The following ZUP1 variants were observed in gnomAD, a reference collection of about 807,000 sequenced individuals.
The protein encoded by ZUP1 is zinc finger containing ubiquitin peptidase 1.
ZUP1 carries 55 observed loss-of-function variants against 68.1 expected under a neutral mutation model. The ratio of observed to expected loss-of-function variants is 0.81; its 90% confidence interval spans 0.65 to 1.01. ZUP1 has a LOEUF of 1.01. ZUP1 is among the 50% of genes least tolerant of loss of function. The pLI is 0.00. For missense variants in ZUP1, 684 were observed against 674.9 expected (o/e 1.01, Z -0.15); for synonymous variants, 223 against 221.5 (o/e 1.01, Z -0.06).
rs1324203410 is a variant in ZUP1 at position 116,635,896 on chromosome 6, A to G, written c.1690-17T>C. 1.3e-6 allele frequency: 2 copies of G among 1,563,912 alleles called. No individual in the cohort carries two copies. Among genetic ancestry groups the G allele is most frequent in the Non-Finnish European group, 1.7e-6 (2 of 1,154,628 alleles). Reference sequence around the variant, plus strand: ...TCTCCTGGCCTTGAAAAGAAATTTTAAAAAACAATTTTAAGCTATAAGTCA... The same window carrying G: ...TCTCCTGGCCTTGAAAAGAAATTTTGAAAAACAATTTTAAGCTATAAGTCA... On this transcript the variant is annotated splice_polypyrimidine_tract_variant and intron_variant, in intron 9 of 9. Transcript: ENST00000368576.
rs1776746273 is a variant in ZUP1, at chr6:116,658,810, T to C, written c.785A>G (p.Lys262Arg). ...ESRQEIEEFQKLQRQYGLDNS... is the reference protein window; with the variant it reads ...ESRQEIEEFQRLQRQYGLDNS... ...TGTTATTAATCTTTGTACCTGCAGC[T>C]TCTGAAATTCTTCTATTTCTTGTCT... Residue 262 changes from lysine (K) to arginine (R), a missense_variant, in exon 4 of 10, where the codon AAG (lysine) becomes AGG (arginine). Coordinates refer to ENST00000368576, the MANE Select transcript of ZUP1 (RefSeq NM_145062.3). 6.3e-7 allele frequency: 1 copy of C among 1,579,386 alleles called. No homozygotes were observed. The highest frequency in any genetic ancestry group is 8.6e-7 in the Non-Finnish European group (1 of 1,156,312).
At chr6:116,655,649 A>T (rs1776639179) in intron 5 of ZUP1, among the ~76,000 whole-genome samples, 1 of 152,220 alleles carries the variant, frequency 6.6e-6, no homozygotes. Flanking sequence ...TTTAATACTC[A>T]TCAGAAAAAA....
intron 1 of ZUP1, 118 bp from the exon 2 acceptor site, chr6:116,667,325 A>G (rs1777043624): frequency 1.3e-5 from 7 of 538,440 alleles, no homozygotes; most frequent in East Asian, 3.3e-5. Flanking sequence ...GAAGTTTTCA[A>G]TGTACTTACT....
In ZUP1 at chr6:116,666,761, T is replaced by C. The variant is rs147255343; in HGVS notation, c.432A>G (p.Gly144=). 1.9e-6 allele frequency: 3 copies of C among 1,613,828 alleles called. No homozygotes were observed. In the African/African-American group the frequency reaches 4.0e-5, roughly 22 times the overall value. Residue 144 remains glycine, a synonymous_variant, in exon 2 of 10, where the codon GGA becomes GGG. Transcript: ENST00000368576. ...EKQSSLTEIK[G]SVYETTYSPP... is the part of the protein sequence containing the mutation. ...GACTGTATGTTGTTTCATAAACAGA[T>C]CCTTTTATTTCGGTCAGGCTGGACT...
intron 2 of ZUP1, among the ~76,000 whole-genome samples, chr6:116,662,234 A>T (rs991571928): frequency 1.3e-5 from 2 of 152,190 alleles, no homozygotes; most frequent in African/African-American, 4.8e-5. Flanking sequence ...CTACCATAAA[A>T]TGCCTTAGAG....
chr6:116,656,834 T>C lies in ZUP1; in HGVS notation c.811A>G (p.Asn271Asp). The C allele has an allele frequency of 6.2e-7, 1 of 1,602,268 alleles. No homozygotes were observed. Among genetic ancestry groups the C allele is most frequent in the Non-Finnish European group, 8.5e-7 (1 of 1,173,300 alleles). Residue 271 changes from asparagine to aspartate, a missense_variant, in exon 5 of 10, where the codon AAT becomes GAT. Transcript: ENST00000368576. ...TGTTGTTGTTTGTATCCTCCAGAAT[T>C]ATCTAAACCATATTGTCTCTATTGA... ...QKLQRQYGLDNSGGYKQQQLR... is the reference protein window; with the variant it reads ...QKLQRQYGLDDSGGYKQQQLR...
In ZUP1 at chr6:116,656,681, C is replaced by G. The variant is rs746685981; in HGVS notation, c.961+3G>C. The G allele has an allele frequency of 1.0e-4, 161 of 1,607,178 alleles. No homozygotes were observed. The highest frequency in any genetic ancestry group is 1.3e-4 in the Non-Finnish European group (156 of 1,177,452). ...ACAATGACTCTGATGTTTAAATACTCACCGGAAGTTTTTGTTTTTCCATCG... is the reference window on the plus strand; with the variant it reads ...ACAATGACTCTGATGTTTAAATACTGACCGGAAGTTTTTGTTTTTCCATCG... On this transcript the variant is annotated splice_donor_region_variant and intron_variant, in intron 5 of 9. Transcript: ENST00000368576.
Position 116,668,637 on chromosome 6 carries a change from T to C in ZUP1, c.-87A>G, listed in dbSNP as rs1201575986. ...CCTTTGGGCCTCGCTGGCAGACGAG[T>C]GCGTGCGCGGCGTCCAGTACCTCTC... On this transcript the variant is annotated 5_prime_UTR_variant, in exon 1 of 10. Coordinates refer to ENST00000368576, the MANE Select transcript of ZUP1 (RefSeq NM_145062.3). 4 of 152,334 alleles carry C rather than the reference T, an allele frequency of 2.6e-5. No homozygotes were observed. Among genetic ancestry groups the C allele is most frequent in the Non-Finnish European group, 5.9e-5 (4 of 68,196 alleles). The allele number at this position is 152,334 out of a possible 1,614,324, so 9.4% of individuals were successfully genotyped here. A position where few individuals can be genotyped will look rare whatever the true frequency, so the allele number is the denominator to read the frequency against.
chr6:116,654,383 A>G (rs567795810), intron 5 of ZUP1, among the ~76,000 whole-genome samples: 1 of 152,128 alleles, frequency 6.6e-6, no homozygotes, highest in South Asian at 2.1e-4. Flanking sequence ...CAAGGAGAAA[A>G]TAATCAGATT....
In ZUP1 at chr6:116,652,113, A is replaced by C; in HGVS notation, c.1041T>G (p.Asp347Glu). ...VRRVWLSSVV[D>E]HFHSSLGDKG... ...TGTCGCCTAAAGATGAATGAAAGTG[A>C]TCCACCACTGAAGAAAGCCACACCC... The change falls in exon 6 of 10, where the codon GAT becomes GAG. Residue 347 changes from aspartate to glutamate, a missense_variant. By Grantham distance (45) the Asp-to-Glu change is conservative (BLOSUM62 2). Coordinates refer to ENST00000368576, the MANE Select transcript of ZUP1 (RefSeq NM_145062.3). 2 of 1,614,030 alleles carry C rather than the reference A, an allele frequency of 1.2e-6. No individual in the cohort carries two copies. The highest frequency in any genetic ancestry group is 1.7e-6 in the Non-Finnish European group (2 of 1,179,910).
chr6:116,666,871 T>G lies in ZUP1; in HGVS notation c.322A>C (p.Thr108Pro). 1 of 1,610,036 alleles carries G rather than the reference T, an allele frequency of 6.2e-7. No individual in the cohort carries two copies. Among genetic ancestry groups the G allele is most frequent in the African/African-American group, 1.3e-5 (1 of 74,662 alleles). ...TCATGTTTTAAAGTACTATCTTTAG[T>G]CAGGTTTTGAGCTGAATTTTTTGGA... ...NHPKNSAQNL[T>P]KDSTLKHEGF... The change falls in exon 2 of 10, where the codon ACT becomes CCT. Residue 108 changes from threonine (T) to proline (P), a missense_variant. Transcript: ENST00000368576.
intron 7 of ZUP1, among the ~76,000 whole-genome samples, chr6:116,649,091 G>GGC (rs1776401504): frequency 6.6e-6 from 1 of 151,812 alleles, no homozygotes. Flanking sequence ...AGAAAAGCAG[G>GGC]AATAAATTTA....
chr6:116,666,356 T>C (rs535056313), intron 2 of ZUP1, among the ~76,000 whole-genome samples: 3 of 152,332 alleles, frequency 2.0e-5, no homozygotes, highest in African/African-American at 7.2e-5. Flanking sequence ...ACAGTCCAGA[T>C]GCTACTGGGT....
intron 4 of ZUP1, among the ~76,000 whole-genome samples, 176 bp from the exon 5 acceptor site, chr6:116,657,028 A>C (rs201804052): frequency 0.046 from 6,884 of 150,592 alleles, 177 homozygotes; most frequent in African/African-American, 0.071. Context: ...CACACACAAA[A>C]AAAAATTATT....
intron 5 of ZUP1, among the ~76,000 whole-genome samples, chr6:116,653,727 G>T (rs1476757816): frequency 2.0e-5 from 3 of 151,978 alleles, no homozygotes; most frequent in African/African-American, 7.2e-5. Context: ...TTGATGAAGA[G>T]ATCAAGATTT....
At chr6:116,663,651 C>T (rs1035188594) in intron 2 of ZUP1, among the ~76,000 whole-genome samples, 21 of 152,084 alleles carry the variant, frequency 1.4e-4, no homozygotes, top group African/African-American at 7.2e-5. Context: ...TATTAAAATT[C>T]GTTAACAGGC....
chr6:116,637,554 T>G (rs1025267633), intron 9 of ZUP1, among the ~76,000 whole-genome samples: 1 of 152,214 alleles, frequency 6.6e-6, no homozygotes, highest in Non-Finnish European at 1.5e-5. Context: ...AAATGCACAG[T>G]GCAGAAAGCA....
intron 2 of ZUP1, among the ~76,000 whole-genome samples, chr6:116,662,871 A>C (rs1776886822): frequency 6.6e-6 from 1 of 152,318 alleles, no homozygotes; most frequent in South Asian, 2.1e-4. Flanking sequence ...ATATGGCATC[A>C]TCTACCTTTC....
intron 7 of ZUP1, among the ~76,000 whole-genome samples, chr6:116,649,805 A>C (rs1202758946): frequency 6.6e-6 from 1 of 152,226 alleles, no homozygotes; most frequent in Non-Finnish European, 1.5e-5. Flanking sequence ...ACAGCACTCT[A>C]ATCAGCTTTT....
Sources: allele counts gnomAD v4.1 joint callset (sites outside exome capture counted in the v4.1 genomes callset), GRCh38; gene constraint gnomAD v4.1.1; transcripts MANE v1.5; gene names NCBI Gene and HGNC (gene_info 2026-07-23, HGNC 2026-07-21).